Variants in CENPW observed in about 807,000 individuals in gnomAD.
The protein encoded by CENPW is centromere protein W.
A neutral mutation model predicts 11.1 loss-of-function variants in CENPW; 3 were observed. That is an observed-to-expected ratio of 0.27 (90% CI 0.12 to 0.70). The LOEUF (loss-of-function observed/expected upper bound fraction) is 0.70. Ranked by LOEUF, CENPW falls within the 30% of genes least tolerant of loss-of-function variation. CENPW has a pLI of 0.77. For missense variants in CENPW, 100 were observed against 105.6 expected, an observed-to-expected ratio of 0.95 and a Z score of 0.23; for synonymous variants, 38 against 42.0, an observed-to-expected ratio of 0.91 and a Z score of 0.37.
intron 1 of CENPW, among the ~76,000 whole-genome samples, chr6:126,342,526 C>T (rs933054034): frequency 1.3e-5 from 2 of 152,098 alleles, no homozygotes; most frequent in Admixed American, 6.5e-5. Context: ...TTATCTTTAA[C>T]ACAGAATTAA....
chr6:126,447,416 T>C, the CENPW span, among the ~76,000 whole-genome samples: 1 of 151,076 alleles, frequency 6.6e-6, no homozygotes, highest in Admixed American at 6.6e-5. Flanking sequence ...GAAGCAAAAA[T>C]TATGAAAATG....
At chr6:126,454,556 G>A in the CENPW span, among the ~76,000 whole-genome samples, 1 of 151,130 alleles carries the variant, frequency 6.6e-6, no homozygotes, top group African/African-American at 2.4e-5. Flanking sequence ...AGAATCTCAG[G>A]GACACAGCTA....
chr6:126,346,369 A>C, intron 2 of CENPW, 51 bp downstream of exon 2: 2 of 1,108,512 alleles, frequency 1.8e-6, no homozygotes, highest in South Asian at 1.4e-5. Context: ...CAAAAATAAC[A>C]CTCGGTTCAT....
At chr6:126,457,097 A>C in the CENPW span, among the ~76,000 whole-genome samples, 2 of 151,586 alleles carry the variant, frequency 1.3e-5, no homozygotes, top group Non-Finnish European at 3.0e-5. Context: ...TGCTGGTGGT[A>C]ATGTAAATTA....
chr6:126,410,469 T>C, the CENPW span, among the ~76,000 whole-genome samples: 1 of 152,124 alleles, frequency 6.6e-6, no homozygotes, highest in South Asian at 2.1e-4. Context: ...ATTTTGTGCC[T>C]TTAAGAATCT....
the CENPW span, among the ~76,000 whole-genome samples, chr6:126,446,614 G>A: frequency 6.6e-6 from 1 of 151,108 alleles, no homozygotes; most frequent in South Asian, 2.1e-4. Context: ...AGGCTACTGT[G>A]ATGGGTTTAT....
At chr6:126,353,592 C>T (rs1487449719), downstream of CENPW, among the ~76,000 whole-genome samples, 1 of 151,842 alleles carries the variant, frequency 6.6e-6, no homozygotes, top group Non-Finnish European at 1.5e-5. Flanking sequence ...CTTGGGGTTC[C>T]TGCCTGAACT....
At chr6:126,374,961 C>A in the CENPW span, among the ~76,000 whole-genome samples, 1 of 152,164 alleles carries the variant, frequency 6.6e-6, no homozygotes, top group African/African-American at 2.4e-5. Flanking sequence ...CTACAAGATA[C>A]CCCTAAATCA....
the CENPW span, among the ~76,000 whole-genome samples, chr6:126,367,975 T>G: frequency 6.6e-6 from 1 of 152,214 alleles, no homozygotes; most frequent in Admixed American, 6.5e-5. Flanking sequence ...TCCATTAGTT[T>G]GGGATGTTAA....
At chr6:126,371,589 C>T in the CENPW span, among the ~76,000 whole-genome samples, 1 of 152,108 alleles carries the variant, frequency 6.6e-6, no homozygotes, top group Non-Finnish European at 1.5e-5. Flanking sequence ...TAGGGTGATA[C>T]TGGCTTCATA....
At chr6:126,358,567 G>A in the CENPW span, among the ~76,000 whole-genome samples, 1 of 152,244 alleles carries the variant, frequency 6.6e-6, no homozygotes, top group East Asian at 1.9e-4. Flanking sequence ...CTCCTTGATT[G>A]TGATGTATTA....
the CENPW span, among the ~76,000 whole-genome samples, chr6:126,378,522 A>G: frequency 6.6e-6 from 1 of 152,100 alleles, no homozygotes; most frequent in East Asian, 1.9e-4. Context: ...AATAAAAAAT[A>G]TACTGGTCGT....
At chr6:126,469,153 C>A in the CENPW span, among the ~76,000 whole-genome samples, 1 of 152,156 alleles carries the variant, frequency 6.6e-6, no homozygotes, top group South Asian at 2.1e-4. Context: ...CCACCCAAAT[C>A]TCACCTTGAA....
the CENPW span, among the ~76,000 whole-genome samples, chr6:126,440,111 A>G: frequency 2.0e-5 from 3 of 151,660 alleles, no homozygotes; most frequent in Non-Finnish European, 4.4e-5. Context: ...CATTGGGTCT[A>G]CTTATATTTA....
the CENPW span, among the ~76,000 whole-genome samples, chr6:126,462,265 G>T: frequency 6.6e-6 from 1 of 151,874 alleles, no homozygotes; most frequent in Non-Finnish European, 1.5e-5. Context: ...ATCTCGGACA[G>T]CTTTCTAGTG....
the CENPW span, among the ~76,000 whole-genome samples, chr6:126,452,273 T>C: frequency 2.0e-5 from 3 of 151,254 alleles, no homozygotes; most frequent in African/African-American, 4.8e-5. Context: ...TCAACTTGCA[T>C]AGAGAAGAAC....
chr6:126,421,375 C>G, the CENPW span, among the ~76,000 whole-genome samples: 1 of 151,972 alleles, frequency 6.6e-6, no homozygotes. Context: ...CTAATTGAGC[C>G]ACTGTTACCC....
chr6:126,395,309 C>T, the CENPW span, among the ~76,000 whole-genome samples: 1 of 151,864 alleles, frequency 6.6e-6, no homozygotes, highest in East Asian at 1.9e-4. Flanking sequence ...TTTGTGAATT[C>T]TGCTATTAAG....
the CENPW span, among the ~76,000 whole-genome samples, chr6:126,382,099 C>CA: frequency 1.3e-5 from 2 of 151,884 alleles, no homozygotes; most frequent in Non-Finnish European, 2.9e-5. Flanking sequence ...ACAACAATAA[C>CA]AAAAAACCCA....
Sources: allele counts gnomAD v4.1 joint callset (sites outside exome capture counted in the v4.1 genomes callset), GRCh38; gene constraint gnomAD v4.1.1; transcripts MANE v1.5; gene names NCBI Gene and HGNC (gene_info 2026-07-23, HGNC 2026-07-21).